The following JAG2 variants were observed in gnomAD, a reference collection of about 807,000 sequenced individuals.
The protein encoded by JAG2 is jagged canonical Notch ligand 2.
JAG2 carries 46 observed loss-of-function variants against 141.7 expected under a neutral mutation model. The ratio of observed to expected loss-of-function variants is 0.32; its 90% confidence interval spans 0.26 to 0.42. The LOEUF is 0.42. Ranked by LOEUF, JAG2 falls within the 10% of genes least tolerant of loss-of-function variation. The pLI, the probability that JAG2 is intolerant of heterozygous loss-of-function variation, is 1.00. For synonymous variants in JAG2, 862 were observed against 763.5 expected (o/e 1.13, Z -2.13); for missense variants, 1,500 against 1,817.5 (o/e 0.83, Z 3.18).
rs775077491 is a variant in JAG2, at chr14:105,152,316, G to A, written c.789-25C>T. On this transcript the variant is annotated intron_variant, in intron 5 of 25. Coordinates refer to ENST00000331782, the MANE Select transcript of JAG2 (RefSeq NM_002226.5). The stretch of plus-strand genomic sequence containing the variant: ...CCTGGGGGAAGGAGGAGGGGCGCAA[G>A]ACCCAGTGAGCTGTGGTGCCTGAAA... The A allele has an allele frequency of 2.5e-6, 4 of 1,610,408 alleles. No homozygotes were observed. In the South Asian group the frequency reaches 4.4e-5, roughly 18 times the overall value.
intron 2 of JAG2, among the ~76,000 whole-genome samples, chr14:105,160,495 C>T (rs900127398): frequency 2.0e-5 from 3 of 151,702 alleles, no homozygotes; most frequent in Non-Finnish European, 4.4e-5. Flanking sequence ...AGGCATGCCT[C>T]TGCCACCAAG....
intron 2 of JAG2, among the ~76,000 whole-genome samples, chr14:105,158,678 C>T (rs1256122842): frequency 6.6e-6 from 1 of 152,112 alleles, no homozygotes; most frequent in African/African-American, 2.4e-5. Context: ...TCTCAGCCCT[C>T]ACTGCCCAGG....
At chr14:105,143,287 G>T in intron 25 of JAG2, 117 bp from the exon 26 acceptor site, 1 of 1,357,674 alleles carries the variant, frequency 7.4e-7, no homozygotes, top group Non-Finnish European at 1.0e-6. Flanking sequence ...CCACCCTCCG[G>T]TTGCTGGCTC....
At chr14:105,148,504 G>A in intron 15 of JAG2, 65 bp from the exon 16 acceptor site, 1 of 1,215,914 alleles carries the variant, frequency 8.2e-7, no homozygotes, top group Non-Finnish European at 1.2e-6. Context: ...CTTCCCGGGG[G>A]AGGAAGCACT....
intron 2 of JAG2, among the ~76,000 whole-genome samples, chr14:105,160,697 T>C (rs1328465466): frequency 6.6e-6 from 1 of 151,896 alleles, no homozygotes; most frequent in Non-Finnish European, 1.5e-5. Context: ...TCCTCATCTC[T>C]ACTAAAAATA....
At position 105,143,525 on chromosome 14, in the gene JAG2, G is replaced by C; in HGVS notation, c.3198C>G (p.Thr1066=). ...RGNSSLLLAV[T]EVKVETVVTG... is the part of the protein sequence containing the mutation. ...TAACAACCGTCTCCACCTTGACCTC[G>C]GTGACAGCCAGGAGCAGTGAGCTGT... Residue 1066 remains threonine, a synonymous_variant, in exon 25 of 26, where the codon ACC becomes ACG. Coordinates refer to ENST00000331782, the MANE Select transcript of JAG2 (RefSeq NM_002226.5). 7 of 1,583,130 alleles carry C rather than the reference G, an allele frequency of 4.4e-6. No individual in the cohort carries two copies. Among genetic ancestry groups the C allele is most frequent in the Non-Finnish European group, 6.0e-6 (7 of 1,167,540 alleles).
chr14:105,148,520 T>G (rs1294032954), intron 15 of JAG2, 81 bp from the exon 16 acceptor site: 1 of 541,538 alleles, frequency 1.8e-6, no homozygotes, highest in Non-Finnish European at 2.7e-6. Context: ...GCACTGGAGC[T>G]GGGCCAGGTG....
rs773498752 is a variant in JAG2, at chr14:105,155,920, T to C, written c.545A>G (p.His182Arg). Residue 182 changes from histidine (H) to arginine (R), a missense_variant, in exon 4 of 26, where the codon CAC becomes CGC. Coordinates refer to ENST00000331782, the MANE Select transcript of JAG2 (RefSeq NM_002226.5). Reference sequence around the variant, plus strand: ...CAGGTGCGCCACGTGGCCGCTGAAGTGCAGGCTCTTCCAGCGGTCCTCCGG... The same window carrying C: ...CAGGTGCGCCACGTGGCCGCTGAAGCGCAGGCTCTTCCAGCGGTCCTCCGG... ...INPEDRWKSL[H>R]FSGHVAHLEL... 1 of 1,611,992 alleles carries C rather than the reference T, an allele frequency of 6.2e-7. No homozygotes were observed. Among genetic ancestry groups the C allele is most frequent in the South Asian group, 1.1e-5 (1 of 90,992 alleles).
intron 2 of JAG2, among the ~76,000 whole-genome samples, chr14:105,159,638 C>T (rs1430725239): frequency 9.1e-5 from 12 of 131,426 alleles, no homozygotes; most frequent in African/African-American, 3.2e-4. Flanking sequence ...CATCCCCCAA[C>T]GGGGTTCCAT....
At chr14:105,145,702 G>A (rs1393638161) in intron 23 of JAG2, 29 bp downstream of exon 23, 15 of 1,575,752 alleles carry the variant, frequency 9.5e-6, no homozygotes, top group Non-Finnish European at 1.2e-5. Flanking sequence ...TGTGGCCTCT[G>A]CAAGCTCAGA....
rs1297492974 is a variant in JAG2, at chr14:105,148,990, C to A, written c.1853G>T (p.Gly618Val). 1 of 1,607,714 alleles carries A rather than the reference C, an allele frequency of 6.2e-7. No individual in the cohort carries two copies. Among genetic ancestry groups the A allele is most frequent in the Non-Finnish European group, 8.5e-7 (1 of 1,177,752 alleles). ...ACTGTCACAGATGCAGGAAAAGTTG[C>A]CCCCTGGCTGGCTGACGCAGCGTCC... is the stretch of plus-strand genomic sequence containing the variant. ...PHGRCVSQPG[G>V]NFSCICDSGF... is the part of the protein sequence containing the mutation. Residue 618 changes from glycine (G) to valine (V), a missense_variant, in exon 14 of 26, where the codon GGC (glycine) becomes GTC (valine). Coordinates refer to ENST00000331782, the MANE Select transcript of JAG2 (RefSeq NM_002226.5).
intron 5 of JAG2, 47 bp from the exon 6 acceptor site, chr14:105,152,338 G>T (rs779400966): frequency 6.3e-7 from 1 of 1,595,738 alleles, no homozygotes; most frequent in South Asian, 1.1e-5. Flanking sequence ...TGTGGTGCCT[G>T]AAAGGGTGGC....
chr14:105,145,200 G>A (rs1033912259), intron 23 of JAG2, 139 bp from the exon 24 acceptor site: 23 of 1,216,878 alleles, frequency 1.9e-5, no homozygotes, highest in African/African-American at 3.0e-5. Flanking sequence ...CAAGGGCCTG[G>A]GGGGGCAGCT....
At chr14:105,156,038 A>G in intron 3 of JAG2, 49 bp from the exon 4 acceptor site, 1 of 1,591,122 alleles carries the variant, frequency 6.3e-7, no homozygotes, top group Non-Finnish European at 8.5e-7. Flanking sequence ...CAGCCCGGCC[A>G]GGGGTCCTCC....
rs59700762 is a variant in JAG2 at position 105,150,533 on chromosome 14, G to T, written c.1602+71C>A. 787 of 1,437,366 alleles carry T rather than the reference G, an allele frequency of 5.5e-4. 1 individual carries two copies. In the African/African-American group the frequency reaches 0.01, roughly 18 times the overall value. 89.0% of individuals were successfully genotyped at this position (1,437,366 alleles called of 1,614,324 possible). On this transcript the variant is annotated intron_variant, in intron 12 of 25. Transcript: ENST00000331782. ...CACCCCTGGGTCACTCAGGCCCCAT[G>T]GTCAGGGGACGAGGCCTGCCCTACA...
chr14:105,143,202 T>C, intron 25 of JAG2, 32 bp from the exon 26 acceptor site: 1 of 1,584,808 alleles, frequency 6.3e-7, no homozygotes, highest in Non-Finnish European at 8.5e-7. Context: ...CGGTGGGCAA[T>C]GAGGCCTGGG....
At chr14:105,160,605 G>A (rs763579377) in intron 2 of JAG2, among the ~76,000 whole-genome samples, 1 of 151,972 alleles carries the variant, frequency 6.6e-6, no homozygotes, top group African/African-American at 2.4e-5. Flanking sequence ...GCTCACGCCT[G>A]TAATCCCAAC....
rs907864853 is a variant in JAG2 at position 105,157,646 on chromosome 14, G to A, written c.475+60C>T. On this transcript the variant is annotated intron_variant, in intron 3 of 25. Coordinates refer to ENST00000331782, the MANE Select transcript of JAG2 (RefSeq NM_002226.5). ...TGTCCCAAGCAGACAGAGGAGCTGGGCCCTGCCACAGGCACGCTGAAGCTG... is the reference window on the plus strand; with the variant it reads ...TGTCCCAAGCAGACAGAGGAGCTGGACCCTGCCACAGGCACGCTGAAGCTG... The A allele has an allele frequency of 3.5e-6, 5 of 1,411,308 alleles. No individual in the cohort carries two copies. The African/African-American group carries it at 7.1e-5, about 20-fold the overall frequency. 87.4% of individuals were successfully genotyped at this position (1,411,308 alleles called of 1,614,324 possible).
At chr14:105,147,673 G>A in intron 18 of JAG2, 99 bp downstream of exon 18, 2 of 1,088,412 alleles carry the variant, frequency 1.8e-6, no homozygotes, top group Non-Finnish European at 2.7e-6. Flanking sequence ...GGGGCAGCAG[G>A]GGGAGGGGCT....
Sources: gnomAD v4.1 joint callset for allele counts (sites outside exome capture counted in the v4.1 genomes callset) on GRCh38, gnomAD v4.1.1 for gene constraint, MANE v1.5 for transcripts, NCBI Gene and HGNC (gene_info 2026-07-23, HGNC 2026-07-21) for gene names.